NEURL1B: variants seen among roughly 807,000 people sequenced by gnomAD.
NEURL1B encodes E3 ubiquitin-protein ligase NEURL1B.
In NEURL1B, 13 loss-of-function variants were observed where a neutral mutation model predicts 37.4. That is an observed-to-expected ratio of 0.35 (90% CI 0.23 to 0.55). The LOEUF is 0.55. Ranked by LOEUF, NEURL1B falls within the 20% of genes least tolerant of loss-of-function variation. NEURL1B has a pLI of 0.89. For synonymous variants in NEURL1B, 432 were observed against 426.6 expected (o/e 1.01, Z -0.16); for missense variants, 790 against 879.2 (o/e 0.90, Z 1.28).
rs1422734034 is a variant in NEURL1B at position 172,686,235 on chromosome 5, T to C, written c.1362T>C (p.Asp454=). The change falls in exon 4 of 5, where the codon GAT becomes GAC. Residue 454 remains aspartate, a synonymous_variant. Transcript: ENST00000369800. The surrounding 1 kb of genome is among the most constrained non-coding windows in gnomAD (Gnocchi z 7.9). The stretch of plus-strand genomic sequence containing the variant: ...GGTCCCTCAGCGGCTCCCAGGACGA[T>C]AGTGATTCAGATATGACCTTCAGTG... The part of the protein sequence containing the change: ...PSGSLSGSQD[D]SDSDMTFSVN... 5 of 1,551,668 alleles carry C rather than the reference T, an allele frequency of 3.2e-6. No homozygotes were observed. The South Asian group carries it at 4.8e-5, about 15-fold the overall frequency.
chr5:172,677,158 A>T (rs1272102168), intron 2 of NEURL1B, among the ~76,000 whole-genome samples: 1 of 152,086 alleles, frequency 6.6e-6, no homozygotes, highest in Admixed American at 6.5e-5. Context: ...GCAGAGCCCC[A>T]GTGGGAGCCA....
At chr5:172,682,209 G>A (rs1758367122) in intron 2 of NEURL1B, among the ~76,000 whole-genome samples, 1 of 152,182 alleles carries the variant, frequency 6.6e-6, no homozygotes, top group South Asian at 2.1e-4. Flanking sequence ...TTTTACCTAT[G>A]TCATATGAAG....
At chr5:172,680,106 G>C (rs1758319648) in intron 2 of NEURL1B, among the ~76,000 whole-genome samples, 1 of 152,198 alleles carries the variant, frequency 6.6e-6, no homozygotes, top group Non-Finnish European at 1.5e-5. Flanking sequence ...GGCCCACAGT[G>C]AGTGCTCTAT....
intron 3 of NEURL1B, among the ~76,000 whole-genome samples, chr5:172,685,353 T>G (rs903551517): frequency 2.0e-5 from 3 of 152,130 alleles, no homozygotes; most frequent in Non-Finnish European, 4.4e-5. Context: ...TGTTTTGTGT[T>G]TTTGAGGAAC....
chr5:172,670,355 T>C, intron 2 of NEURL1B, 25 bp downstream of exon 2: 1 of 1,339,866 alleles, frequency 7.5e-7, no homozygotes, highest in Non-Finnish European at 9.5e-7. Context: ...CGGCGCCCCC[T>C]GGGGACCTGG....
At chr5:172,643,192 G>A (rs1379967490) in intron 1 of NEURL1B, among the ~76,000 whole-genome samples, 3 of 152,162 alleles carry the variant, frequency 2.0e-5, no homozygotes, top group Non-Finnish European at 4.4e-5. Context: ...CTAAGTATGG[G>A]GAATTCAGAC....
Position 172,669,969 on chromosome 5 carries a change from G to A in NEURL1B, c.216G>A (p.Thr72=). The change falls in exon 2 of 5, where the codon ACG becomes ACA. Residue 72 remains threonine, a synonymous_variant. Coordinates refer to ENST00000369800, the MANE Select transcript of NEURL1B (RefSeq NM_001142651.3). ...GCTTCTGCAATGGCGTCACGTTCAC[G>A]CAGCGGCCCATCCGGCTGTACGAGC... ...RNSFCNGVTF[T]QRPIRLYEQV... is the part of the protein sequence containing the mutation. The A allele has an allele frequency of 6.9e-7, 1 of 1,458,028 alleles. No homozygotes were observed. The highest frequency in any genetic ancestry group is 9.0e-7 in the Non-Finnish European group (1 of 1,111,344). The allele number at this position is 1,458,028 out of a possible 1,614,324, so 90.3% of individuals were successfully genotyped here. A position where few individuals can be genotyped will look rare whatever the true frequency, so the allele number is the denominator to read the frequency against.
chr5:172,669,900 C>T lies in NEURL1B; in HGVS notation c.147C>T (p.Asn49=). ...PRFHAQAKGK[N]VRLDGHSRRA... Reference sequence around the variant, plus strand: ...TCCACGCGCAGGCCAAAGGCAAGAACGTGCGGCTGGACGGCCACTCGCGCC... The same window carrying T: ...TCCACGCGCAGGCCAAAGGCAAGAATGTGCGGCTGGACGGCCACTCGCGCC... The change falls in exon 2 of 5, where the codon AAC becomes AAT. Residue 49 remains asparagine, a synonymous_variant. Coordinates refer to ENST00000369800, the MANE Select transcript of NEURL1B (RefSeq NM_001142651.3). 1 of 1,452,724 alleles carries T rather than the reference C, an allele frequency of 6.9e-7. No homozygotes were observed. The highest frequency in any genetic ancestry group is 9.0e-7 in the Non-Finnish European group (1 of 1,106,452). 90.0% of individuals were successfully genotyped at this position (1,452,724 alleles called of 1,614,324 possible).
In NEURL1B at chr5:172,667,275, TAA is replaced by T. The variant is rs55663413; in HGVS notation, c.32-2490_32-2489del. 1.3e-3 allele frequency among the ~76,000 whole-genome samples: 92 copies of T among 72,282 alleles called. 3 individuals are homozygous for T. Among genetic ancestry groups the T allele is most frequent in the Admixed American group, 2.6e-3 (16 of 6,224 alleles). 47.4% of individuals were successfully genotyped at this position (72,282 alleles called of 152,430 possible). A position where few individuals can be genotyped will look rare whatever the true frequency, so the allele number is the denominator to read the frequency against. On this transcript the variant is annotated intron_variant, in intron 1 of 4. Coordinates refer to ENST00000369800, the MANE Select transcript of NEURL1B (RefSeq NM_001142651.3). ...CAACATGGTGAAACCCTGTCTCTACTAAAAAAAAAAAAAAAAAAAAATTAGCC... is the reference window on the plus strand; with the variant it reads ...CAACATGGTGAAACCCTGTCTCTACTAAAAAAAAAAAAAAAAAAATTAGCC...
At chr5:172,656,212 T>A (rs374580094) in intron 1 of NEURL1B, among the ~76,000 whole-genome samples, 1 of 151,890 alleles carries the variant, frequency 6.6e-6, no homozygotes, top group East Asian at 1.9e-4. Context: ...TCATAATGAG[T>A]TAGGGTAGAG....
In NEURL1B at chr5:172,691,310, A is replaced by G. The variant is rs1173068560; in HGVS notation, c.*4385A>G. On this transcript the variant is annotated 3_prime_UTR_variant, in exon 5 of 5. Transcript: ENST00000369800. ...TACCTGTGTACAGACCTTTTAAAAC[A>G]TGTCTTCTTTTTCTGATTCAATACT... 6.6e-6 allele frequency: 1 copy of G among 151,984 alleles called. No homozygotes were observed. Among genetic ancestry groups the G allele is most frequent in the African/African-American group, 2.4e-5 (1 of 41,356 alleles). 9.4% of individuals were successfully genotyped at this position (151,984 alleles called of 1,614,324 possible). A position where few individuals can be genotyped will look rare whatever the true frequency, so the allele number is the denominator to read the frequency against.
intron 1 of NEURL1B, among the ~76,000 whole-genome samples, chr5:172,669,492 C>G (rs1758076764): frequency 6.6e-6 from 1 of 151,866 alleles, no homozygotes; most frequent in South Asian, 2.1e-4. Flanking sequence ...GGCTGGCTGT[C>G]GTGGGCTCTT....
At chr5:172,643,629 A>G (rs540827218) in intron 1 of NEURL1B, among the ~76,000 whole-genome samples, 2 of 152,262 alleles carry the variant, frequency 1.3e-5, no homozygotes, top group African/African-American at 4.8e-5. Context: ...CTGGTTGCCC[A>G]TCCCAGAGAC....
In NEURL1B at chr5:172,665,431, G is replaced by A. The variant is rs1757990043; in HGVS notation, c.32-4354G>A. Reference sequence around the variant, plus strand: ...TGGTTCTAGAGATGGCCCACAGCCTGACTCTGCGTCCACCCTCCTTGCTGC... The same window carrying A: ...TGGTTCTAGAGATGGCCCACAGCCTAACTCTGCGTCCACCCTCCTTGCTGC... On this transcript the variant is annotated intron_variant, in intron 1 of 4. Transcript: ENST00000369800. This position sits in a 1 kb window ranked among gnomAD's most constrained non-coding sequence, Gnocchi z 4.1. 6.6e-6 allele frequency among the ~76,000 whole-genome samples: 1 copy of A among 152,222 alleles called. No homozygotes were observed. The highest frequency in any genetic ancestry group is 6.5e-5 in the Admixed American group (1 of 15,282).
chr5:172,687,021 G>A lies in NEURL1B; in HGVS notation c.*96G>A. On this transcript the variant is annotated 3_prime_UTR_variant, in exon 5 of 5. Transcript: ENST00000369800. ...ATGGCTGCCAGGGAGTCCACGGGCAGCGGCCATCTCTCCAGTGGTGGGCAA... is the reference window on the plus strand; with the variant it reads ...ATGGCTGCCAGGGAGTCCACGGGCAACGGCCATCTCTCCAGTGGTGGGCAA... The A allele has an allele frequency of 7.2e-7, 1 of 1,387,946 alleles. No homozygotes were observed. The highest frequency in any genetic ancestry group is 9.7e-7 in the Non-Finnish European group (1 of 1,029,270). The allele number at this position is 1,387,946 out of a possible 1,614,324, so 86.0% of individuals were successfully genotyped here. A position where few individuals can be genotyped will look rare whatever the true frequency, so the allele number is the denominator to read the frequency against.
intron 1 of NEURL1B, among the ~76,000 whole-genome samples, chr5:172,658,207 T>C (rs1466302468): frequency 2.0e-5 from 3 of 152,136 alleles, no homozygotes; most frequent in Non-Finnish European, 4.4e-5. Flanking sequence ...TATCTCTTTG[T>C]CTTGTGTCTT....
rs912759412 is a variant in NEURL1B, at chr5:172,676,707, G to A, written c.577+6377G>A. Among the ~76,000 whole-genome samples, 2 of 152,232 alleles carry A rather than the reference G, an allele frequency of 1.3e-5. No individual in the cohort carries two copies. The highest frequency in any genetic ancestry group is 4.8e-5 in the African/African-American group (2 of 41,458). ...CAGCTTGGAAGCACTGAGATCCCTTGTTAAAGATAGTTACTAGGCACTTAC... is the reference window on the plus strand; with the variant it reads ...CAGCTTGGAAGCACTGAGATCCCTTATTAAAGATAGTTACTAGGCACTTAC... On this transcript the variant is annotated intron_variant, in intron 2 of 4. Coordinates refer to ENST00000369800, the MANE Select transcript of NEURL1B (RefSeq NM_001142651.3). The surrounding 1 kb of genome is among the most constrained non-coding windows in gnomAD (Gnocchi z 4.5).
At chr5:172,674,465 A>T (rs1758190134) in intron 2 of NEURL1B, among the ~76,000 whole-genome samples, 2 of 152,104 alleles carry the variant, frequency 1.3e-5, no homozygotes, top group African/African-American at 4.8e-5. Context: ...GCTTAGAACC[A>T]CCAAGACGGT....
intron 2 of NEURL1B, among the ~76,000 whole-genome samples, chr5:172,682,638 C>CT (rs1484163005): frequency 6.6e-6 from 1 of 152,142 alleles, no homozygotes; most frequent in African/African-American, 2.4e-5. Context: ...CTCCCGTAGA[C>CT]TTTTTTCTGT....
Sources: gnomAD v4.1 joint callset for allele counts (sites outside exome capture counted in the v4.1 genomes callset) on GRCh38, gnomAD v4.1.1 for gene constraint, Gnocchi (gnomAD v3.1) non-coding constraint, MANE v1.5 for transcripts, NCBI Gene and HGNC (gene_info 2026-07-23, HGNC 2026-07-21) for gene names.